MAML3: variants seen among roughly 807,000 people sequenced by gnomAD.
The protein encoded by MAML3 is mastermind-like protein 3.
In MAML3, 27 loss-of-function variants were observed where a neutral mutation model predicts 101.9. That is an observed-to-expected ratio of 0.27 (90% confidence interval 0.20 to 0.37). The LOEUF (loss-of-function observed/expected upper bound fraction) is 0.37, where lower values mean the gene tolerates loss of function less well. Among genes scored for constraint, MAML3 ranks in the 10% least tolerant of loss-of-function variants. The pLI, the probability that MAML3 is intolerant of heterozygous loss-of-function variation, is 1.00. For missense variants in MAML3, 1,316 were observed against 1,444.9 expected (o/e 0.91, Z 1.45); for synonymous variants, 501 against 555.9 (o/e 0.90, Z 1.39).
At chr4:139,901,424 T>G (rs545803598) in intron 1 of MAML3, among the ~76,000 whole-genome samples, 8 of 152,366 alleles carry the variant, frequency 5.3e-5, no homozygotes, top group African/African-American at 1.4e-4. Flanking sequence ...ACATTACATT[T>G]ATTTTTAAGG....
At chr4:140,110,152 G>T (rs1010655815) in intron 1 of MAML3, among the ~76,000 whole-genome samples, 2 of 152,184 alleles carry the variant, frequency 1.3e-5, no homozygotes, top group African/African-American at 4.8e-5. Context: ...CTAGTTCAGC[G>T]ATGATCATCT....
At chr4:139,883,264 T>G (rs1257058840) in intron 2 of MAML3, among the ~76,000 whole-genome samples, 1 of 152,188 alleles carries the variant, frequency 6.6e-6, no homozygotes, top group Non-Finnish European at 1.5e-5. Flanking sequence ...TATTATCTGA[T>G]GTGCTTGATC....
At chr4:139,792,244 A>T (rs951496972) in intron 2 of MAML3, among the ~76,000 whole-genome samples, 3 of 152,172 alleles carry the variant, frequency 2.0e-5, no homozygotes, top group African/African-American at 7.2e-5. Flanking sequence ...TAGTAGATTA[A>T]ATCTAAGAGA....
At chr4:139,723,140 A>G (rs1408119917) in intron 4 of MAML3, among the ~76,000 whole-genome samples, 2 of 152,378 alleles carry the variant, frequency 1.3e-5, no homozygotes, top group African/African-American at 4.8e-5. Context: ...CTTCTGAAGT[A>G]TAAACAAGAA....
intron 1 of MAML3, among the ~76,000 whole-genome samples, chr4:139,964,800 C>T (rs148255302): frequency 6.6e-6 from 1 of 152,000 alleles, no homozygotes; most frequent in African/African-American, 2.4e-5. Flanking sequence ...TTGATTAATG[C>T]AACTCAATTA....
At chr4:139,925,048 C>T (rs912934244) in intron 1 of MAML3, among the ~76,000 whole-genome samples, 1 of 151,990 alleles carries the variant, frequency 6.6e-6, no homozygotes, top group African/African-American at 2.4e-5. Flanking sequence ...ATGATTTCAG[C>T]TTCCTTTAGA....
intron 1 of MAML3, among the ~76,000 whole-genome samples, chr4:140,050,783 C>T (rs1457493271): frequency 1.3e-5 from 2 of 152,170 alleles, no homozygotes; most frequent in Non-Finnish European, 2.9e-5. Flanking sequence ...AGGCAGAAAA[C>T]ATAGTCTGAG....
chr4:139,964,139 A>G (rs977924102), intron 1 of MAML3, among the ~76,000 whole-genome samples: 1 of 152,250 alleles, frequency 6.6e-6, no homozygotes, highest in East Asian at 1.9e-4. Context: ...ATAAAGACAC[A>G]TACGTTTATT....
rs115036448 is a variant in MAML3, at chr4:139,879,172, T to A, written c.2079+10185A>T. Among the ~76,000 whole-genome samples the A allele has an allele frequency of 1.6e-3, 250 of 152,274 alleles. 1 individual carries two copies. The Middle Eastern group carries it at 0.02, about 12-fold the overall frequency. ...GCAGTCTCAGTGTTATGTTGCTTTT[T>A]GTTTGTTTGTTTTGCGCCCAGCCCG... On this transcript the variant is annotated intron_variant, in intron 2 of 4. Transcript: ENST00000509479.
At chr4:139,977,601 G>A (rs1167571200) in intron 1 of MAML3, among the ~76,000 whole-genome samples, 1 of 152,144 alleles carries the variant, frequency 6.6e-6, no homozygotes, top group African/African-American at 2.4e-5. Context: ...GGCCAGGCGC[G>A]GTAGCTCACG....
intron 2 of MAML3, among the ~76,000 whole-genome samples, chr4:139,819,385 T>C (rs1473733092): frequency 6.6e-6 from 1 of 152,202 alleles, no homozygotes; most frequent in African/African-American, 2.4e-5. Context: ...TTATATATAA[T>C]CTTGAATATA....
rs924962473 is a variant in MAML3 at position 139,735,659 on chromosome 4, T to C, written c.2080-4992A>G. ...GGCCTACGAACAACCTAAATGAAAT[T>C]TAGGGTTTTATTGAAAAAGTCCCCT... On this transcript the variant is annotated intron_variant, in intron 2 of 4. Transcript: ENST00000509479. The surrounding 1 kb of genome is among the most constrained non-coding windows in gnomAD (Gnocchi z 5.8). 1.3e-5 allele frequency among the ~76,000 whole-genome samples: 2 copies of C among 152,150 alleles called. No homozygotes were observed. Among genetic ancestry groups the C allele is most frequent in the African/African-American group, 4.8e-5 (2 of 41,430 alleles).
chr4:140,013,307 AT>A (rs1269582011), intron 1 of MAML3, among the ~76,000 whole-genome samples: 8 of 152,070 alleles, frequency 5.3e-5, no homozygotes, highest in African/African-American at 1.9e-4. Flanking sequence ...CCCCTTGCCT[AT>A]GCATATGCCG....
chr4:139,804,046 C>T (rs927353219), intron 2 of MAML3, among the ~76,000 whole-genome samples: 12 of 152,276 alleles, frequency 7.9e-5, no homozygotes, highest in Middle Eastern at 3.4e-3. Flanking sequence ...CAACTTCCTG[C>T]CTTGGCTCTG....
chr4:139,897,648 C>G (rs559316958), intron 1 of MAML3, among the ~76,000 whole-genome samples: 1 of 152,250 alleles, frequency 6.6e-6, no homozygotes, highest in South Asian at 2.1e-4. Context: ...AGCTCCTGAC[C>G]AGCCTCAGTC....
intron 1 of MAML3, among the ~76,000 whole-genome samples, chr4:139,995,158 A>T (rs577238625): frequency 6.6e-6 from 1 of 152,290 alleles, no homozygotes; most frequent in Non-Finnish European, 1.5e-5. Flanking sequence ...TGAAATGATA[A>T]CATGGTTTTT....
intron 1 of MAML3, among the ~76,000 whole-genome samples, chr4:139,922,810 G>T (rs1256809062): frequency 6.6e-6 from 1 of 152,156 alleles, no homozygotes; most frequent in African/African-American, 2.4e-5. Context: ...CCAAATCCTT[G>T]TCTATTTCCT....
At chr4:140,115,240 G>A (rs1728499506) in intron 1 of MAML3, among the ~76,000 whole-genome samples, 1 of 152,144 alleles carries the variant, frequency 6.6e-6, no homozygotes, top group Admixed American at 6.6e-5. Flanking sequence ...GTTATTCATA[G>A]CTCATAACAA....
In MAML3 at chr4:139,965,531, A is replaced by C. The variant is rs548427124; in HGVS notation, c.469-74564T>G. ...TCCTATATCTGAACTGCTTTGCTTC[A>C]ATTTTTTAAAAAGCTGTCTTATGTT... On this transcript the variant is annotated intron_variant, in intron 1 of 4. Transcript: ENST00000509479. Among the ~76,000 whole-genome samples the C allele has an allele frequency of 9.8e-5, 15 of 152,306 alleles. No individual in the cohort carries two copies. In the Middle Eastern group the frequency reaches 0.01, roughly 104 times the overall value.
Sources: gnomAD v4.1 joint callset for allele counts (sites outside exome capture counted in the v4.1 genomes callset) on GRCh38, gnomAD v4.1.1 for gene constraint, Gnocchi (gnomAD v3.1) non-coding constraint, MANE v1.5 for transcripts, NCBI Gene and HGNC (gene_info 2026-07-23, HGNC 2026-07-21) for gene names.